LSAMP: variants seen among roughly 807,000 people sequenced by gnomAD.
The protein encoded by LSAMP is limbic system associated membrane protein, also known as limbic system-associated membrane protein.
In LSAMP, 7 loss-of-function variants were observed where a neutral mutation model predicts 38.6. The observed-to-expected ratio is 0.18, with a 90% CI of 0.10 to 0.34. The LOEUF (loss-of-function observed/expected upper bound fraction) is 0.34, where lower values mean the gene tolerates loss of function less well. LSAMP is among the 10% of genes least tolerant of loss of function. LSAMP has a pLI of 1.00. For missense variants in LSAMP, 313 were observed against 420.0 expected (o/e 0.75, Z 2.23); for synonymous variants, 154 against 166.8 (o/e 0.92, Z 0.59).
Position 116,162,576 on chromosome 3 carries a change from A to AG in LSAMP, c.156-76021dup, listed in dbSNP as rs544368913. On this transcript the variant is annotated intron_variant, in intron 1 of 6. Coordinates refer to ENST00000490035, the MANE Select transcript of LSAMP (RefSeq NM_002338.5). ...CACAACTTTGTTTTTCTGTCTATAC[A>AG]GGTGTGTGTGTGTGAATATGTGTAT... Among the ~76,000 whole-genome samples, 14 of 152,082 alleles carry AG rather than the reference A, an allele frequency of 9.2e-5. No homozygotes were observed. The East Asian group carries it at 1.7e-3, about 19-fold the overall frequency.
chr3:116,233,184 C>T (rs1405259230), intron 1 of LSAMP, among the ~76,000 whole-genome samples: 1 of 151,922 alleles, frequency 6.6e-6, no homozygotes, highest in Non-Finnish European at 1.5e-5. Context: ...GAGGCCAAGA[C>T]GGGTGGATCA....
intron 1 of LSAMP, among the ~76,000 whole-genome samples, chr3:116,132,097 G>A (rs1383349073): frequency 1.3e-5 from 2 of 152,012 alleles, no homozygotes; most frequent in African/African-American, 4.8e-5. Flanking sequence ...CAAAGTGCTG[G>A]GATTATGGGC....
chr3:116,083,393 A>C (rs181333069), intron 2 of LSAMP, among the ~76,000 whole-genome samples: 26 of 152,238 alleles, frequency 1.7e-4, no homozygotes, highest in African/African-American at 6.0e-4. Context: ...TTAAAATATT[A>C]GTTTTATGTA....
chr3:116,182,934 C>T (rs1191587452), intron 1 of LSAMP, among the ~76,000 whole-genome samples: 4 of 151,780 alleles, frequency 2.6e-5, no homozygotes, highest in Admixed American at 1.3e-4. Context: ...TATCTGTAAA[C>T]AAAGAACATG....
chr3:116,352,265 G>A (rs2048151665), intron 1 of LSAMP, among the ~76,000 whole-genome samples: 1 of 152,090 alleles, frequency 6.6e-6, no homozygotes, highest in South Asian at 2.1e-4. Context: ...GTTTATCATG[G>A]CAGCCAGCGG....
chr3:116,332,543 T>A (rs2047864719), intron 1 of LSAMP, among the ~76,000 whole-genome samples: 2 of 152,028 alleles, frequency 1.3e-5, no homozygotes, highest in South Asian at 4.1e-4. Context: ...AAAAATGAAC[T>A]AAATGCAAAA....
intron 1 of LSAMP, among the ~76,000 whole-genome samples, chr3:116,200,078 T>G (rs1375958985): frequency 7.4e-6 from 1 of 135,860 alleles, no homozygotes; most frequent in Non-Finnish European, 1.6e-5. Flanking sequence ...GTTTTACTGT[T>G]TTTCAGTCTT....
Position 115,810,262 on chromosome 3 carries a change from T to A in LSAMP, c.*55A>T. 8.2e-7 allele frequency: 1 copy of A among 1,219,528 alleles called. No individual in the cohort carries two copies. Among genetic ancestry groups the A allele is most frequent in the Non-Finnish European group, 1.2e-6 (1 of 852,710 alleles). 75.5% of individuals were successfully genotyped at this position (1,219,528 alleles called of 1,614,324 possible). On this transcript the variant is annotated 3_prime_UTR_variant, in exon 7 of 7. Coordinates refer to ENST00000490035, the MANE Select transcript of LSAMP (RefSeq NM_002338.5). ...CTCTCTCTGTCTCTCTCTCTCTGTA[T>A]TCTGTGTGACGCATTTTTGTGTGTT...
chr3:115,842,611 A>G lies in LSAMP; in HGVS notation c.650-33T>C, dbSNP rs533547986. ...AAGGACAGGCACACAAGTTTACATGAGGGTCGGGGTGCTTAGAATTTCTAT... is the reference window on the plus strand; with the variant it reads ...AAGGACAGGCACACAAGTTTACATGGGGGTCGGGGTGCTTAGAATTTCTAT... On this transcript the variant is annotated intron_variant, in intron 4 of 6. Coordinates refer to ENST00000490035, the MANE Select transcript of LSAMP (RefSeq NM_002338.5). 7 of 1,610,172 alleles carry G rather than the reference A, an allele frequency of 4.3e-6. No homozygotes were observed. The African/African-American group carries it at 9.3e-5, about 21-fold the overall frequency.
intron 1 of LSAMP, among the ~76,000 whole-genome samples, chr3:116,289,840 C>G (rs188224286): frequency 2.6e-4 from 40 of 152,254 alleles, no homozygotes; most frequent in African/African-American, 9.4e-4. Flanking sequence ...GAGTCACTCA[C>G]GCTATCTTAG....
chr3:116,063,277 C>G (rs1367127334), intron 2 of LSAMP, among the ~76,000 whole-genome samples: 2 of 152,160 alleles, frequency 1.3e-5, no homozygotes, highest in Non-Finnish European at 2.9e-5. Context: ...AGAACTCCTT[C>G]TGAATTACAC....
chr3:116,055,914 G>T (rs937685450), intron 2 of LSAMP, among the ~76,000 whole-genome samples: 1 of 151,924 alleles, frequency 6.6e-6, no homozygotes, highest in Non-Finnish European at 1.5e-5. Flanking sequence ...TTTGCACTTG[G>T]AGTATAACTA....
At chr3:115,922,507 C>T (rs1334163470) in intron 3 of LSAMP, among the ~76,000 whole-genome samples, 1 of 151,974 alleles carries the variant, frequency 6.6e-6, no homozygotes, top group Non-Finnish European at 1.5e-5. Context: ...TTTCATGATG[C>T]TTATTTTGAA....
At chr3:116,406,632 A>C (rs1920185) in intron 1 of LSAMP, among the ~76,000 whole-genome samples, 127,970 of 152,044 alleles carry the variant, frequency 0.84, 54,152 homozygotes, top group East Asian at 0.94. Flanking sequence ...GTAGAAAATG[A>C]TTGCTATTGC....
chr3:115,817,137 T>G (rs1934056391), intron 6 of LSAMP, among the ~76,000 whole-genome samples: 1 of 152,236 alleles, frequency 6.6e-6, no homozygotes, highest in East Asian at 1.9e-4. Flanking sequence ...CCCCTAGATC[T>G]TTGTATTGAT....
chr3:115,972,705 A>G (rs1939056786), intron 3 of LSAMP, among the ~76,000 whole-genome samples: 1 of 151,356 alleles, frequency 6.6e-6, no homozygotes. Context: ...ATTACTGTGG[A>G]AAGCTACAAG....
At chr3:115,904,852 C>T (rs1936969893) in intron 3 of LSAMP, among the ~76,000 whole-genome samples, 1 of 152,086 alleles carries the variant, frequency 6.6e-6, no homozygotes, top group Admixed American at 6.6e-5. Flanking sequence ...CTTACATGTC[C>T]TCTGACTTCA....
intron 3 of LSAMP, among the ~76,000 whole-genome samples, chr3:115,935,715 CT>C (rs1937678292): frequency 6.6e-6 from 1 of 152,118 alleles, no homozygotes; most frequent in Non-Finnish European, 1.5e-5. Flanking sequence ...GGGGGTATGT[CT>C]TCAGGGAAGC....
At chr3:116,340,922 T>C (rs76491658) in intron 1 of LSAMP, among the ~76,000 whole-genome samples, 4 of 152,006 alleles carry the variant, frequency 2.6e-5, no homozygotes, top group Non-Finnish European at 5.9e-5. Flanking sequence ...TCTTTCAACA[T>C]AGGAGAAGAA....
Sources: allele counts gnomAD v4.1 joint callset (sites outside exome capture counted in the v4.1 genomes callset), GRCh38; gene constraint gnomAD v4.1.1; transcripts MANE v1.5; gene names NCBI Gene and HGNC (gene_info 2026-07-23, HGNC 2026-07-21).